MTBP: variants seen among roughly 807,000 people sequenced by gnomAD.
MTBP encodes mdm2-binding protein.
MTBP carries 101 observed loss-of-function variants against 117.0 expected under a neutral mutation model. The observed-to-expected ratio is 0.86, with a 90% CI of 0.73 to 1.02. The LOEUF (loss-of-function observed/expected upper bound fraction) is 1.02. MTBP is among the 50% of genes least tolerant of loss of function. MTBP has a pLI of 0.00. For missense variants in MTBP, 970 were observed against 1,030.9 expected (o/e 0.94, Z 0.81); for synonymous variants, 350 against 351.5 (o/e 1.00, Z 0.05).
At chr8:120,463,286 C>T (rs879485878) in intron 9 of MTBP, among the ~76,000 whole-genome samples, 1 of 152,054 alleles carries the variant, frequency 6.6e-6, no homozygotes, top group African/African-American at 2.4e-5. Context: ...CAAATATATT[C>T]AACATATTTT....
At chr8:120,485,094 T>C (rs1249987754) in intron 11 of MTBP, among the ~76,000 whole-genome samples, 1 of 152,204 alleles carries the variant, frequency 6.6e-6, no homozygotes, top group Admixed American at 6.5e-5. Flanking sequence ...TTGACACTTT[T>C]AGGCTATTAT....
chr8:120,459,238 T>C lies in MTBP; in HGVS notation c.771T>C (p.Pro257=). The stretch of plus-strand genomic sequence containing the variant: ...AGTTTGGATTTGAAATTAGTTTTCC[T>C]GAATTTTGTTTAAAGGGAGTCACAC... ...ERKFGFEISF[P]EFCLKGVTLK... The change falls in exon 8 of 22, where the codon CCT becomes CCC. Residue 257 remains proline (P), a synonymous_variant. Coordinates refer to ENST00000305949, the MANE Select transcript of MTBP (RefSeq NM_022045.5). 1 of 1,609,130 alleles carries C rather than the reference T, an allele frequency of 6.2e-7. No individual in the cohort carries two copies. Among genetic ancestry groups the C allele is most frequent in the Non-Finnish European group, 8.5e-7 (1 of 1,177,802 alleles).
intron 13 of MTBP, among the ~76,000 whole-genome samples, chr8:120,493,386 C>T (rs1814387002): frequency 6.6e-6 from 1 of 152,126 alleles, no homozygotes; most frequent in Admixed American, 6.5e-5. Flanking sequence ...TGGATTCTTA[C>T]TCTCTTCTTC....
chr8:120,506,455 T>C (rs976554184), intron 15 of MTBP, among the ~76,000 whole-genome samples: 2 of 152,192 alleles, frequency 1.3e-5, no homozygotes, highest in African/African-American at 4.8e-5. Flanking sequence ...AAAATACTAC[T>C]TCTTGACATG....
chr8:120,510,346 A>G (rs1814774608), intron 17 of MTBP, among the ~76,000 whole-genome samples: 1 of 152,140 alleles, frequency 6.6e-6, no homozygotes, highest in African/African-American at 2.4e-5. Context: ...CACCAATTAC[A>G]TTGTAGTTGC....
At chr8:120,482,399 A>G (rs966284397) in intron 11 of MTBP, among the ~76,000 whole-genome samples, 2 of 152,188 alleles carry the variant, frequency 1.3e-5, no homozygotes, top group Non-Finnish European at 2.9e-5. Context: ...ATTCTGCAGT[A>G]GCTTTTTGTT....
At chr8:120,473,153 T>C (rs1458527300) in intron 11 of MTBP, 1 of 152,234 alleles carries the variant, frequency 6.6e-6, no homozygotes, top group Non-Finnish European at 1.5e-5. Context: ...AAATGCTATG[T>C]AAATACTTGT....
chr8:120,485,774 GGTTT>G (rs891380358), intron 11 of MTBP, among the ~76,000 whole-genome samples: 2 of 152,050 alleles, frequency 1.3e-5, no homozygotes, highest in African/African-American at 4.8e-5. Flanking sequence ...CCCCTTATTA[GGTTT>G]GTTTTCTTGT....
chr8:120,490,561 G>A lies in MTBP; in HGVS notation c.1438G>A (p.Glu480Lys), dbSNP rs1337605775. 6.3e-7 allele frequency: 1 copy of A among 1,591,054 alleles called. No homozygotes were observed. The change falls in exon 13 of 22, where the codon GAA (glutamate) becomes AAA (lysine). Residue 480 changes from glutamate (E) to lysine (K), a missense_variant. Glu to Lys is a moderately conservative substitution (Grantham distance 56). Coordinates refer to ENST00000305949, the MANE Select transcript of MTBP (RefSeq NM_022045.5). ...TAATGTTCAAGTTTTAGCTTTGGAA[G>A]AATGCCTAAGTAAGTAACAATTTGT... ...LANVQVLALE[E>K]CLKRRKLAKQ...
chr8:120,450,312 A>G (rs1813311654), intron 2 of MTBP, among the ~76,000 whole-genome samples: 1 of 152,170 alleles, frequency 6.6e-6, no homozygotes, highest in Non-Finnish European at 1.5e-5. Context: ...AATAGCTTCT[A>G]TTTTGTTAAG....
intron 10 of MTBP, among the ~76,000 whole-genome samples, chr8:120,465,550 C>G (rs1233382656): frequency 6.6e-6 from 1 of 151,394 alleles, no homozygotes; most frequent in East Asian, 1.9e-4. Context: ...AAGCAGTTTC[C>G]TTAAAAGTAT....
At chr8:120,450,147 A>G (rs1444790967) in intron 2 of MTBP, among the ~76,000 whole-genome samples, 1 of 152,190 alleles carries the variant, frequency 6.6e-6, no homozygotes, top group East Asian at 1.9e-4. Flanking sequence ...TGGACTAGAT[A>G]ATAGAATCAG....
rs1814906080 is a variant in MTBP at position 120,515,845 on chromosome 8, C to A, written c.1980-80C>A. ...AAACAAGAACTCTTAAAGTAAATGT[C>A]CTGCTATTTTCTCATTGAAAGGGGA... On this transcript the variant is annotated intron_variant, in intron 17 of 21. Coordinates refer to ENST00000305949, the MANE Select transcript of MTBP (RefSeq NM_022045.5). 3.9e-6 allele frequency: 5 copies of A among 1,273,386 alleles called. No homozygotes were observed. The African/African-American group carries it at 4.5e-5, about 11-fold the overall frequency. The allele number at this position is 1,273,386 out of a possible 1,614,324, so 78.9% of individuals were successfully genotyped here.
intron 11 of MTBP, among the ~76,000 whole-genome samples, chr8:120,474,976 G>A (rs567827161): frequency 4.5e-4 from 68 of 152,128 alleles, no homozygotes; most frequent in African/African-American, 1.4e-3. Flanking sequence ...TATGCATTAA[G>A]TATCTGCTTT....
In MTBP at chr8:120,516,204, A is replaced by T. The variant is rs1247677399; in HGVS notation, c.2246+13A>T. Reference sequence around the variant, plus strand: ...ATCCCAGAAAAAGGTGATATATTACATGCACATAAATAGTATATTGACAGA... The same window carrying T: ...ATCCCAGAAAAAGGTGATATATTACTTGCACATAAATAGTATATTGACAGA... On this transcript the variant is annotated intron_variant, in intron 18 of 21. Coordinates refer to ENST00000305949, the MANE Select transcript of MTBP (RefSeq NM_022045.5). 1 of 1,587,756 alleles carries T rather than the reference A, an allele frequency of 6.3e-7. No homozygotes were observed. Among genetic ancestry groups the T allele is most frequent in the Non-Finnish European group, 8.6e-7 (1 of 1,160,190 alleles).
intron 1 of MTBP, 129 bp downstream of exon 1, chr8:120,445,717 A>C: frequency 1.4e-6 from 1 of 694,526 alleles, no homozygotes; most frequent in Non-Finnish European, 2.3e-6. Context: ...TCTATCTGGG[A>C]TAGAGTTAAT....
intron 18 of MTBP, among the ~76,000 whole-genome samples, chr8:120,517,592 G>C (rs1490266363): frequency 6.6e-6 from 1 of 151,654 alleles, no homozygotes; most frequent in Non-Finnish European, 1.5e-5. Flanking sequence ...TGCTTTTCTT[G>C]AATTTATGTT....
intron 13 of MTBP, among the ~76,000 whole-genome samples, chr8:120,492,343 A>C (rs1163785675): frequency 1.3e-5 from 2 of 152,256 alleles, no homozygotes; most frequent in Non-Finnish European, 2.9e-5. Context: ...TGCAGAGGCA[A>C]ACGACAGCAA....
rs1358735309 is a variant in MTBP at position 120,517,970 on chromosome 8, G to T, written c.2366G>T (p.Cys789Phe). ...ACAGAACGGTCCTTACCAGTGACTT[G>T]TCCATTGGTTCCAATTCCTAGCTGT... ...PQTERSLPVT[C>F]PLVPIPSCET... is the part of the protein sequence containing the mutation. Residue 789 changes from cysteine to phenylalanine, a missense_variant, in exon 19 of 22, where the codon TGT becomes TTT. Transcript: ENST00000305949. 6.2e-7 allele frequency: 1 copy of T among 1,612,622 alleles called. No homozygotes were observed. The highest frequency in any genetic ancestry group is 1.3e-5 in the African/African-American group (1 of 74,802).
Sources: gnomAD v4.1 joint callset for allele counts (sites outside exome capture counted in the v4.1 genomes callset) on GRCh38, gnomAD v4.1.1 for gene constraint, MANE v1.5 for transcripts, NCBI Gene and HGNC (gene_info 2026-07-23, HGNC 2026-07-21) for gene names.